ITPR2: variants seen among roughly 807,000 people sequenced by gnomAD.
ITPR2 encodes the protein inositol 1,4,5-trisphosphate receptor type 2.
In ITPR2, 207 loss-of-function variants were observed where a neutral mutation model predicts 317.1. The ratio of observed to expected loss-of-function variants is 0.65; its 90% confidence interval spans 0.58 to 0.73. The LOEUF (loss-of-function observed/expected upper bound fraction) is 0.73. Among genes scored for constraint, ITPR2 ranks in the 30% least tolerant of loss-of-function variants. ITPR2 has a pLI of 0.00. For synonymous variants in ITPR2, 1,156 were observed against 1,149.1 expected, an observed-to-expected ratio of 1.01 and a Z score of -0.12; for missense variants, 2,613 against 3,284.0, an observed-to-expected ratio of 0.80 and a Z score of 4.99.
intron 26 of ITPR2, among the ~76,000 whole-genome samples, chr12:26,608,046 G>T (rs549478017): frequency 1.3e-5 from 2 of 152,158 alleles, no homozygotes; most frequent in Non-Finnish European, 2.9e-5. Flanking sequence ...GCGTGAATCC[G>T]GGAGGTGGAG....
At chr12:26,473,042 A>G (rs1184322241) in intron 45 of ITPR2, among the ~76,000 whole-genome samples, 1 of 151,952 alleles carries the variant, frequency 6.6e-6, no homozygotes, top group Non-Finnish European at 1.5e-5. Flanking sequence ...ATGCACCACC[A>G]CACCCAACTA....
At chr12:26,761,969 G>T (rs1274827602) in intron 2 of ITPR2, among the ~76,000 whole-genome samples, 1 of 152,082 alleles carries the variant, frequency 6.6e-6, no homozygotes, top group Non-Finnish European at 1.5e-5. Context: ...ATTCCATAAA[G>T]GGCTTTAACA....
intron 13 of ITPR2, among the ~76,000 whole-genome samples, chr12:26,676,969 G>T (rs1947921735): frequency 6.6e-6 from 1 of 152,062 alleles, no homozygotes; most frequent in Admixed American, 6.6e-5. Flanking sequence ...AAGGGAGGGA[G>T]AATGTCAGAG....
At chr12:26,421,343 C>G (rs1455945853) in intron 49 of ITPR2, 1 of 152,014 alleles carries the variant, frequency 6.6e-6, no homozygotes, top group Non-Finnish European at 1.5e-5. Flanking sequence ...TAAGTCTTGA[C>G]GTGGAGTGGA....
intron 2 of ITPR2, among the ~76,000 whole-genome samples, chr12:26,741,122 A>G (rs2137082333): frequency 6.6e-6 from 1 of 152,356 alleles, no homozygotes; most frequent in South Asian, 2.1e-4. Flanking sequence ...TAAACATGTG[A>G]GACAGGAAAC....
At chr12:26,397,174 G>A (rs2136644853) in intron 54 of ITPR2, among the ~76,000 whole-genome samples, 1 of 152,144 alleles carries the variant, frequency 6.6e-6, no homozygotes, top group East Asian at 1.9e-4. Flanking sequence ...AGATGATAAA[G>A]TCCAAACTGC....
intron 36 of ITPR2, 64 bp downstream of exon 36, chr12:26,556,169 C>A: frequency 5.9e-6 from 9 of 1,536,516 alleles, no homozygotes; most frequent in Non-Finnish European, 8.0e-6. Context: ...AAGTATAAAG[C>A]GGAAATGTTA....
At chr12:26,374,570 T>C (rs950920029) in intron 55 of ITPR2, among the ~76,000 whole-genome samples, 1 of 152,228 alleles carries the variant, frequency 6.6e-6, no homozygotes, top group Non-Finnish European at 1.5e-5. Flanking sequence ...TATTATTTAT[T>C]TAGCCAAATA....
intron 30 of ITPR2, among the ~76,000 whole-genome samples, chr12:26,597,826 A>C (rs1357861118): frequency 2.6e-5 from 4 of 152,178 alleles, no homozygotes; most frequent in Admixed American, 6.5e-5. Context: ...GTCTATTATC[A>C]GTACCAATTT....
intron 1 of ITPR2, among the ~76,000 whole-genome samples, chr12:26,791,793 G>C (rs187008024): frequency 6.6e-6 from 1 of 152,182 alleles, no homozygotes. Flanking sequence ...GAATCTGAAA[G>C]GCTCCAATAG....
chr12:26,420,935 T>C (rs1940871371), intron 49 of ITPR2, among the ~76,000 whole-genome samples: 1 of 152,150 alleles, frequency 6.6e-6, no homozygotes, highest in Non-Finnish European at 1.5e-5. Flanking sequence ...CCTTGATTCA[T>C]CCACCAGAGT....
chr12:26,556,193 T>C, intron 36 of ITPR2, 40 bp downstream of exon 36: 1 of 1,602,606 alleles, frequency 6.2e-7, no homozygotes, highest in South Asian at 1.1e-5. Context: ...GCCATGTCAG[T>C]TTGACGACAC....
intron 43 of ITPR2, among the ~76,000 whole-genome samples, chr12:26,477,309 C>T (rs1942441569): frequency 6.6e-6 from 1 of 151,910 alleles, no homozygotes; most frequent in African/African-American, 2.4e-5. Context: ...CATATTTTCC[C>T]TCACTGTTTC....
intron 20 of ITPR2, among the ~76,000 whole-genome samples, 186 bp downstream of exon 20, chr12:26,655,522 G>C (rs564108798): frequency 2.0e-5 from 3 of 151,426 alleles, no homozygotes; most frequent in Non-Finnish European, 4.4e-5. Flanking sequence ...GCTGAGGCAG[G>C]AGAATGGCGT....
chr12:26,726,726 C>T (rs2137052858), intron 2 of ITPR2, among the ~76,000 whole-genome samples: 1 of 152,250 alleles, frequency 6.6e-6, no homozygotes, highest in African/African-American at 2.4e-5. Context: ...TTATTGACTA[C>T]ATTATATAAT....
chr12:26,548,343 T>C (rs1186166576), intron 37 of ITPR2, among the ~76,000 whole-genome samples: 1 of 152,098 alleles, frequency 6.6e-6, no homozygotes, highest in South Asian at 2.1e-4. Context: ...CGGAGGCTAA[T>C]GGATGAAGAC....
At chr12:26,514,705 T>C (rs933585611) in intron 37 of ITPR2, among the ~76,000 whole-genome samples, 1 of 152,204 alleles carries the variant, frequency 6.6e-6, no homozygotes, top group Non-Finnish European at 1.5e-5. Context: ...AAGAACCGTA[T>C]GTTAAAAGGA....
chr12:26,791,954 A>C (rs545564474), intron 1 of ITPR2, among the ~76,000 whole-genome samples: 2 of 152,336 alleles, frequency 1.3e-5, no homozygotes, highest in East Asian at 3.9e-4. Flanking sequence ...ATAATGTAAA[A>C]ATTACAAATG....
Position 26,419,106 on chromosome 12 carries a change from C to A in ITPR2, c.7053G>T (p.Ala2351=). 6.2e-7 allele frequency: 1 copy of A among 1,613,740 alleles called. No homozygotes were observed. The highest frequency in any genetic ancestry group is 2.2e-5 in the East Asian group (1 of 44,876). ...ILDMAFLYHV[A]YVLVCMLGLF... ...GGCCCAGCATGCAAACCAGGACATA[C>A]GCCACGTGATAGAGAAAGGCCATAT... The change falls in exon 50 of 57, where the codon GCG becomes GCT. Residue 2351 remains alanine, a synonymous_variant. Coordinates refer to ENST00000381340, the MANE Select transcript of ITPR2 (RefSeq NM_002223.4).
Sources: allele counts gnomAD v4.1 joint callset (sites outside exome capture counted in the v4.1 genomes callset), GRCh38; gene constraint gnomAD v4.1.1; transcripts MANE v1.5; gene names NCBI Gene and HGNC (gene_info 2026-07-23, HGNC 2026-07-21).